GPC6: variants seen among roughly 807,000 people sequenced by gnomAD.
The protein encoded by GPC6 is glypican-6.
GPC6 carries 14 observed loss-of-function variants against 55.2 expected under a neutral mutation model. The ratio of observed to expected loss-of-function variants is 0.25; its 90% CI spans 0.17 to 0.40. The LOEUF (loss-of-function observed/expected upper bound fraction) is 0.40, where lower values mean the gene tolerates loss of function less well. Ranked by LOEUF, GPC6 falls within the 10% of genes least tolerant of loss-of-function variation. GPC6 has a pLI of 1.00. For synonymous variants in GPC6, 278 were observed against 259.6 expected, an observed-to-expected ratio of 1.07 and a Z score of -0.68; for missense variants, 641 against 708.5, an observed-to-expected ratio of 0.90 and a Z score of 1.08.
At position 94,040,865 on chromosome 13, in the gene GPC6, G is replaced by A. The variant is rs571604774; in HGVS notation, c.877+12971G>A. ...ATGAATTGTGTTGAATGGTTACTAC[G>A]TGTCCTTACTACATTTCCTTTGAAT... On this transcript the variant is annotated intron_variant, in intron 4 of 8. Transcript: ENST00000377047. 1.2e-4 allele frequency among the ~76,000 whole-genome samples: 18 copies of A among 151,966 alleles called. No individual in the cohort carries two copies. The South Asian group carries it at 2.3e-3, about 19-fold the overall frequency.
At chr13:94,268,452 T>C (rs978524817) in intron 4 of GPC6, among the ~76,000 whole-genome samples, 6 of 152,154 alleles carry the variant, frequency 3.9e-5, no homozygotes, top group African/African-American at 1.4e-4. Context: ...AAGGTACATG[T>C]TTGCTTTGAA....
intron 1 of GPC6, among the ~76,000 whole-genome samples, chr13:93,364,780 A>G (rs1038040999): frequency 6.6e-6 from 1 of 151,838 alleles, no homozygotes; most frequent in African/African-American, 2.4e-5. Flanking sequence ...ATCAGACTAC[A>G]TATCTTGCCC....
intron 3 of GPC6, among the ~76,000 whole-genome samples, chr13:93,952,905 ATATG>A (rs1879332668): frequency 6.7e-6 from 1 of 148,780 alleles, no homozygotes; most frequent in Non-Finnish European, 1.5e-5. Context: ...ATACGTGTAT[ATATG>A]TATATATATA....
chr13:93,719,767 T>C (rs902271789), intron 2 of GPC6, among the ~76,000 whole-genome samples: 1 of 152,092 alleles, frequency 6.6e-6, no homozygotes, highest in African/African-American at 2.4e-5. Flanking sequence ...CATTGATACC[T>C]AGTTTATTGA....
chr13:94,282,240 G>T (rs1383432552), intron 4 of GPC6, among the ~76,000 whole-genome samples: 1 of 152,152 alleles, frequency 6.6e-6, no homozygotes, highest in Middle Eastern at 3.2e-3. Context: ...TCACAGTTCT[G>T]CATGGCTGGG....
chr13:93,679,023 C>T (rs1445826798), intron 2 of GPC6, among the ~76,000 whole-genome samples: 1 of 151,860 alleles, frequency 6.6e-6, no homozygotes, highest in Non-Finnish European at 1.5e-5. Context: ...CTGAAGAGCT[C>T]TATTCTGATT....
chr13:93,724,976 C>T (rs1883583071), intron 2 of GPC6, among the ~76,000 whole-genome samples: 1 of 151,822 alleles, frequency 6.6e-6, no homozygotes, highest in Non-Finnish European at 1.5e-5. Flanking sequence ...CTCTGTGAAA[C>T]CTAACATTTA....
intron 3 of GPC6, among the ~76,000 whole-genome samples, chr13:93,966,460 C>A (rs1332690170): frequency 1.3e-5 from 2 of 152,144 alleles, no homozygotes; most frequent in African/African-American, 4.8e-5. Context: ...TTGGGTAACT[C>A]ACTTATGCTT....
Position 94,170,871 on chromosome 13 carries a change from G to C in GPC6, c.878-115478G>C, listed in dbSNP as rs1888541504. 2.0e-5 allele frequency among the ~76,000 whole-genome samples: 3 copies of C among 152,102 alleles called. No homozygotes were observed. In the South Asian group the frequency reaches 6.2e-4, roughly 31 times the overall value. On this transcript the variant is annotated intron_variant, in intron 4 of 8. Transcript: ENST00000377047. Reference sequence around the variant, plus strand: ...TGGGAGTGGAGAATTGAAAAGAGTGGGACTTACAGGCTTTCTCTGGGATTG... The same window carrying C: ...TGGGAGTGGAGAATTGAAAAGAGTGCGACTTACAGGCTTTCTCTGGGATTG...
upstream of GPC6, among the ~76,000 whole-genome samples, chr13:93,224,197 C>CT (rs34332669): frequency 1.0e-4 from 14 of 133,592 alleles, no homozygotes; most frequent in Admixed American, 4.4e-4. Flanking sequence ...CGCGCCCGGC[C>CT]TTTTTTTTTT....
intron 1 of GPC6, among the ~76,000 whole-genome samples, chr13:93,299,941 A>C (rs1878618694): frequency 6.6e-6 from 1 of 152,218 alleles, no homozygotes; most frequent in African/African-American, 2.4e-5. Context: ...GGAAGATATT[A>C]ATCAAGGATA....
At chr13:93,396,610 A>C (rs1272399084) in intron 1 of GPC6, among the ~76,000 whole-genome samples, 2 of 151,950 alleles carry the variant, frequency 1.3e-5, no homozygotes, top group East Asian at 3.9e-4. Flanking sequence ...TAGAACTATA[A>C]GCTCTGGAAC....
At chr13:93,855,517 T>C (rs866517825) in intron 3 of GPC6, among the ~76,000 whole-genome samples, 8 of 151,676 alleles carry the variant, frequency 5.3e-5, no homozygotes, top group Admixed American at 2.6e-4. Flanking sequence ...TGTGTGGATA[T>C]GTTTTCAGTT....
At chr13:93,610,604 A>G (rs1041334960) in intron 2 of GPC6, among the ~76,000 whole-genome samples, 10 of 152,176 alleles carry the variant, frequency 6.6e-5, no homozygotes, top group African/African-American at 2.4e-4. Flanking sequence ...ATACACATGC[A>G]TATATTATAC....
chr13:93,418,427 C>T (rs1389085406), intron 1 of GPC6, among the ~76,000 whole-genome samples: 1 of 150,600 alleles, frequency 6.6e-6, no homozygotes, highest in East Asian at 1.9e-4. Context: ...AGCACTATAC[C>T]ATAGTATTAC....
intron 2 of GPC6, among the ~76,000 whole-genome samples, chr13:93,615,587 G>C (rs1406062467): frequency 6.6e-6 from 1 of 152,070 alleles, no homozygotes; most frequent in Non-Finnish European, 1.5e-5. Context: ...CATCAACATA[G>C]TTATCCTGGA....
chr13:94,228,671 C>T (rs2139010304), intron 4 of GPC6, among the ~76,000 whole-genome samples: 1 of 152,026 alleles, frequency 6.6e-6, no homozygotes, highest in Non-Finnish European at 1.5e-5. Flanking sequence ...TTATTTTCAC[C>T]ACACACGTAC....
At chr13:94,348,767 A>G (rs1435608718) in intron 6 of GPC6, among the ~76,000 whole-genome samples, 1 of 152,154 alleles carries the variant, frequency 6.6e-6, no homozygotes, top group Non-Finnish European at 1.5e-5. Flanking sequence ...TCATGCATAC[A>G]TCTTGAATCC....
At chr13:93,888,438 C>A (rs111676080) in intron 3 of GPC6, among the ~76,000 whole-genome samples, 1 of 152,074 alleles carries the variant, frequency 6.6e-6, no homozygotes, top group African/African-American at 2.4e-5. Flanking sequence ...CTGGTAATGT[C>A]CTAGGGAAAA....
Sources: allele counts gnomAD v4.1 joint callset (sites outside exome capture counted in the v4.1 genomes callset), GRCh38; gene constraint gnomAD v4.1.1; transcripts MANE v1.5; gene names NCBI Gene and HGNC (gene_info 2026-07-23, HGNC 2026-07-21).